The following ZMIZ1 variants were observed in gnomAD, a reference collection of about 807,000 sequenced individuals.
ZMIZ1 encodes zinc finger MIZ domain-containing protein 1.
ZMIZ1 carries 17 observed loss-of-function variants against 113.9 expected under a neutral mutation model. That is an observed-to-expected ratio of 0.15 (90% CI 0.10 to 0.22). The LOEUF is 0.22. Among genes scored for constraint, ZMIZ1 ranks in the 10% least tolerant of loss-of-function variants. ZMIZ1 has a pLI of 1.00. For synonymous variants in ZMIZ1, 607 were observed against 603.1 expected (o/e 1.01, Z -0.09); for missense variants, 1,059 against 1,477.8 (o/e 0.72, Z 4.65).
intron 1 of ZMIZ1, among the ~76,000 whole-genome samples, chr10:79,106,872 A>G (rs1043605597): frequency 2.6e-5 from 4 of 152,224 alleles, no homozygotes; most frequent in African/African-American, 9.6e-5. Flanking sequence ...CGAGTGCCCC[A>G]GATTTTCTAG....
chr10:79,247,026 G>A (rs967581247), intron 7 of ZMIZ1, among the ~76,000 whole-genome samples: 14 of 152,228 alleles, frequency 9.2e-5, no homozygotes, highest in Admixed American at 3.3e-4. Flanking sequence ...TGAGGTGAGG[G>A]TTAGCTTCCT....
chr10:79,126,125 C>T (rs569860552), intron 2 of ZMIZ1, among the ~76,000 whole-genome samples: 37 of 152,322 alleles, frequency 2.4e-4, no homozygotes, highest in African/African-American at 8.9e-4. Flanking sequence ...AGGTTCGCCA[C>T]CACAAGCAAG....
In ZMIZ1 at chr10:79,142,682, G is replaced by A. The variant is rs568388456; in HGVS notation, c.-131+2905G>A. 9.2e-5 allele frequency among the ~76,000 whole-genome samples: 14 copies of A among 152,340 alleles called. No individual in the cohort carries two copies. The South Asian group carries it at 1.5e-3, about 16-fold the overall frequency. On this transcript the variant is annotated intron_variant, in intron 3 of 24. Coordinates refer to ENST00000334512, the MANE Select transcript of ZMIZ1 (RefSeq NM_020338.4). ...CAGGGGCTAGGGGCTGTGGGCAAGC[G>A]CATGCCTGGGCCCTCCCCGTCACCC...
intron 4 of ZMIZ1, among the ~76,000 whole-genome samples, chr10:79,188,396 G>A (rs1847441660): frequency 1.3e-5 from 2 of 152,190 alleles, no homozygotes; most frequent in East Asian, 1.9e-4. Context: ...TCCCGCCCCC[G>A]AGCCAGTCTT....
At chr10:79,173,263 T>TTA (rs1170147984) in intron 4 of ZMIZ1, among the ~76,000 whole-genome samples, 1 of 152,236 alleles carries the variant, frequency 6.6e-6, no homozygotes, top group Non-Finnish European at 1.5e-5. Flanking sequence ...TTCGTAAACT[T>TTA]TCTTAAAACA....
chr10:79,295,033 A>G (rs1314560680), intron 12 of ZMIZ1: 1 of 152,076 alleles, frequency 6.6e-6, no homozygotes, highest in African/African-American at 2.4e-5. Flanking sequence ...GGGAGGGGCC[A>G]GAGAAGGACC....
intron 1 of ZMIZ1, among the ~76,000 whole-genome samples, chr10:79,073,214 G>A (rs1176680540): frequency 6.6e-6 from 1 of 152,176 alleles, no homozygotes; most frequent in African/African-American, 2.4e-5. Context: ...GGGTCTGAGG[G>A]CAGAACTCCT....
At chr10:79,185,922 G>A (rs1166251733) in intron 4 of ZMIZ1, among the ~76,000 whole-genome samples, 1 of 152,208 alleles carries the variant, frequency 6.6e-6, no homozygotes, top group African/African-American at 2.4e-5. Context: ...CTCTCACCTG[G>A]TTCAGGAGGT....
chr10:79,246,340 G>C (rs1378390082), intron 7 of ZMIZ1, among the ~76,000 whole-genome samples: 1 of 152,242 alleles, frequency 6.6e-6, no homozygotes, highest in Non-Finnish European at 1.5e-5. Context: ...CCATTGATCG[G>C]GCGGGAGCGC....
At chr10:79,256,665 C>G (rs985256314) in intron 7 of ZMIZ1, among the ~76,000 whole-genome samples, 1 of 152,224 alleles carries the variant, frequency 6.6e-6, no homozygotes, top group African/African-American at 2.4e-5. Flanking sequence ...AGACTGGACT[C>G]TTAAGCTCCA....
intron 3 of ZMIZ1, among the ~76,000 whole-genome samples, chr10:79,156,497 G>C (rs1285679033): frequency 6.6e-6 from 1 of 152,206 alleles, no homozygotes; most frequent in Non-Finnish European, 1.5e-5. Context: ...AGAGCTGCCT[G>C]TCCGCCCTTC....
intron 3 of ZMIZ1, among the ~76,000 whole-genome samples, chr10:79,156,226 C>T (rs1456184011): frequency 6.6e-6 from 1 of 152,158 alleles, no homozygotes; most frequent in Non-Finnish European, 1.5e-5. Context: ...GAAACCAAGT[C>T]GCAGGGATGT....
chr10:79,242,461 C>G (rs1373954589), intron 7 of ZMIZ1, among the ~76,000 whole-genome samples: 1 of 152,266 alleles, frequency 6.6e-6, no homozygotes, highest in East Asian at 1.9e-4. Context: ...AGTAAGATGC[C>G]GGGCCGCCTA....
chr10:79,165,216 A>C (rs1846275540), intron 4 of ZMIZ1, among the ~76,000 whole-genome samples: 1 of 152,146 alleles, frequency 6.6e-6, no homozygotes, highest in South Asian at 2.1e-4. Flanking sequence ...AGGAGAGGGC[A>C]GCAGATGGGG....
chr10:79,311,540 G>A (rs767099783), intron 24 of ZMIZ1, among the ~76,000 whole-genome samples: 2 of 152,216 alleles, frequency 1.3e-5, no homozygotes, highest in East Asian at 1.9e-4. Context: ...TCTCTGGCCC[G>A]GGCAGGGAGG....
chr10:79,141,126 G>A (rs950375978), intron 3 of ZMIZ1, among the ~76,000 whole-genome samples: 5 of 152,152 alleles, frequency 3.3e-5, no homozygotes, highest in Admixed American at 6.5e-5. Context: ...TGACCATGAC[G>A]ACACAGGGGA....
intron 5 of ZMIZ1, among the ~76,000 whole-genome samples, chr10:79,202,476 AG>A (rs1848143748): frequency 2.0e-5 from 3 of 152,076 alleles, no homozygotes; most frequent in Non-Finnish European, 4.4e-5. Flanking sequence ...ACAAGACAAG[AG>A]GTCCTAGGAA....
chr10:79,125,269 G>C (rs934778776), intron 2 of ZMIZ1, among the ~76,000 whole-genome samples: 17 of 152,218 alleles, frequency 1.1e-4, no homozygotes, highest in Admixed American at 1.0e-3. Flanking sequence ...TCAGAGCTTG[G>C]GGCAGGCGTT....
chr10:79,306,144 G>T lies in ZMIZ1; in HGVS notation c.2468G>T (p.Arg823Leu). 1 of 1,613,880 alleles carries T rather than the reference G, an allele frequency of 6.2e-7. No homozygotes were observed. The highest frequency in any genetic ancestry group is 8.5e-7 in the Non-Finnish European group (1 of 1,180,004). ...EVTIDPTCSW[R>L]PVPIKSDLHI... ...ACCATCGATCCCACGTGCAGCTGGC[G>T]GCCGGTGCCCATCAAGTCGGACTTA... Residue 823 changes from arginine to leucine, a missense_variant, in exon 22 of 25, where the codon CGG (arginine) becomes CTG (leucine). By Grantham distance (102) the Arg-to-Leu change is moderately radical. This residue lies in a region of ZMIZ1 where 217 missense variants were observed against 426.9 expected (regional missense o/e 0.51). Coordinates refer to ENST00000334512, the MANE Select transcript of ZMIZ1 (RefSeq NM_020338.4).
Sources: allele counts gnomAD v4.1 joint callset (sites outside exome capture counted in the v4.1 genomes callset), GRCh38; gene constraint gnomAD v4.1.1; regional missense constraint gnomAD v4.1.1; transcripts MANE v1.5; gene names NCBI Gene and HGNC (gene_info 2026-07-23, HGNC 2026-07-21).